The following BICC1 variants were observed in gnomAD, a reference collection of about 807,000 sequenced individuals.
BICC1 encodes the protein protein bicaudal C homolog 1.
Under a neutral mutation model 111.0 loss-of-function variants are expected in BICC1, and 43 were observed. The ratio of observed to expected loss-of-function variants is 0.39; its 90% CI spans 0.30 to 0.50. BICC1 has a LOEUF of 0.50. Ranked by LOEUF, BICC1 falls within the 20% of genes least tolerant of loss-of-function variation. BICC1 has a pLI of 0.88. For missense variants in BICC1, 1,091 were observed against 1,203.2 expected, an observed-to-expected ratio of 0.91 and a Z score of 1.38; for synonymous variants, 467 against 434.4, an observed-to-expected ratio of 1.07 and a Z score of -0.93.
At chr10:58,707,581 G>A (rs1345070853) in intron 3 of BICC1, among the ~76,000 whole-genome samples, 1 of 152,096 alleles carries the variant, frequency 6.6e-6, no homozygotes, top group Admixed American at 6.6e-5. Context: ...CCAAGCTGGA[G>A]TGAAGTAGTG....
intron 2 of BICC1, 46 bp from the exon 3 acceptor site, chr10:58,702,028 T>A (rs774392108): frequency 6.9e-7 from 1 of 1,444,124 alleles, no homozygotes; most frequent in Admixed American, 1.8e-5. Context: ...TATCTGTAAA[T>A]ACAAGTTTTT....
chr10:58,678,304 C>G (rs1448714420), intron 2 of BICC1, among the ~76,000 whole-genome samples: 2 of 152,090 alleles, frequency 1.3e-5, no homozygotes, highest in East Asian at 3.9e-4. Context: ...GGAGACCTGT[C>G]TCACGTGCAA....
intron 3 of BICC1, among the ~76,000 whole-genome samples, chr10:58,776,965 C>T (rs1385497124): frequency 6.6e-6 from 1 of 152,008 alleles, no homozygotes; most frequent in Non-Finnish European, 1.5e-5. Context: ...TTGGATTTTT[C>T]CCTGCCCTCC....
chr10:58,599,940 G>GTA (rs1026300404), intron 1 of BICC1, among the ~76,000 whole-genome samples: 71 of 151,902 alleles, frequency 4.7e-4, no homozygotes, highest in African/African-American at 1.6e-3. Flanking sequence ...GTGTGTGTGT[G>GTA]TGTGTGTGTG....
chr10:58,518,095 T>G lies in BICC1; in HGVS notation c.190+4762T>G, dbSNP rs563811081. 5.3e-5 allele frequency among the ~76,000 whole-genome samples: 8 copies of G among 152,336 alleles called. No individual in the cohort carries two copies. In the East Asian group the frequency reaches 1.5e-3, roughly 29 times the overall value. The stretch of plus-strand genomic sequence containing the variant: ...TCCATTAGACATGAGTGTGGAGTTC[T>G]AGATTTTGCTCAGGACGAGAGGGCT... On this transcript the variant is annotated intron_variant, in intron 1 of 20. Transcript: ENST00000373886.
At chr10:58,792,754 A>G (rs897474683) in intron 8 of BICC1, among the ~76,000 whole-genome samples, 4 of 152,350 alleles carry the variant, frequency 2.6e-5, no homozygotes, top group African/African-American at 9.6e-5. Context: ...GGTGAGTTGT[A>G]TAATTATTTA....
intron 2 of BICC1, among the ~76,000 whole-genome samples, chr10:58,640,205 T>G (rs1838081960): frequency 6.6e-6 from 1 of 152,244 alleles, no homozygotes; most frequent in Non-Finnish European, 1.5e-5. Context: ...CACTGTAGTT[T>G]TGTTCTGGAT....
chr10:58,807,719 G>A (rs1589159257), intron 17 of BICC1, among the ~76,000 whole-genome samples: 1 of 152,152 alleles, frequency 6.6e-6, no homozygotes, highest in East Asian at 1.9e-4. Flanking sequence ...CCATATGGAA[G>A]GGATGGAGAG....
chr10:58,688,427 T>A (rs1464283400), intron 2 of BICC1, among the ~76,000 whole-genome samples: 4 of 152,122 alleles, frequency 2.6e-5, no homozygotes, highest in Admixed American at 1.3e-4. Flanking sequence ...CAGCACTGAT[T>A]GGTGCGTTTA....
At chr10:58,689,412 A>G (rs56034775) in intron 2 of BICC1, among the ~76,000 whole-genome samples, 2 of 152,322 alleles carry the variant, frequency 1.3e-5, no homozygotes, top group African/African-American at 2.4e-5. Context: ...TTAGATAATC[A>G]GGTTGATTCC....
chr10:58,739,017 A>G (rs973917995), intron 3 of BICC1, among the ~76,000 whole-genome samples: 1 of 152,088 alleles, frequency 6.6e-6, no homozygotes, highest in African/African-American at 2.4e-5. Flanking sequence ...ATATATAATC[A>G]TGTCATCTGC....
intron 2 of BICC1, among the ~76,000 whole-genome samples, chr10:58,661,869 A>G (rs560889505): frequency 1.3e-5 from 2 of 152,346 alleles, no homozygotes; most frequent in East Asian, 1.9e-4. Context: ...GTTTTAAAAG[A>G]TGAAATCAAG....
chr10:58,744,356 A>T (rs1415725753), intron 3 of BICC1, among the ~76,000 whole-genome samples: 1 of 151,940 alleles, frequency 6.6e-6, no homozygotes, highest in Non-Finnish European at 1.5e-5. Context: ...TCCCCACTCA[A>T]TTTTTCTTCC....
At chr10:58,598,358 T>C (rs1053366853) in intron 1 of BICC1, among the ~76,000 whole-genome samples, 1 of 152,068 alleles carries the variant, frequency 6.6e-6, no homozygotes, top group Non-Finnish European at 1.5e-5. Flanking sequence ...ATACTGCACA[T>C]CTACAACCAT....
At position 58,793,559 on chromosome 10, in the gene BICC1, A is replaced by G. The variant is rs766021824; in HGVS notation, c.1123A>G (p.Met375Val). 10 of 1,613,946 alleles carry G rather than the reference A, an allele frequency of 6.2e-6. No homozygotes were observed. Among genetic ancestry groups the G allele is most frequent in the Non-Finnish European group, 7.6e-6 (9 of 1,179,918 alleles). Residue 375 changes from methionine to valine, a missense_variant, in exon 9 of 21, where the codon ATG (methionine) becomes GTG (valine). This residue lies in a region of BICC1 where 843 missense variants were observed against 900.8 expected (regional missense o/e 0.94). Coordinates refer to ENST00000373886, the MANE Select transcript of BICC1 (RefSeq NM_001080512.3). ...AGATCCACAATTCATTGCGCAGTTG[A>G]TGGAACAGCTTGATGTCTTCATCAG... The part of the protein sequence containing the change: ...EVDPQFIAQL[M>V]EQLDVFISIK...
chr10:58,550,201 T>C (rs1481558601), intron 1 of BICC1, among the ~76,000 whole-genome samples: 6 of 152,092 alleles, frequency 3.9e-5, no homozygotes, highest in Non-Finnish European at 7.4e-5. Context: ...TCAAATATTT[T>C]TGTAGAGACG....
chr10:58,743,466 A>T (rs1589090875), intron 3 of BICC1, among the ~76,000 whole-genome samples: 1 of 143,756 alleles, frequency 7.0e-6, no homozygotes. Context: ...ATTTGCTGGG[A>T]TTTTTTTTTT....
At chr10:58,651,396 A>G (rs952346974) in intron 2 of BICC1, among the ~76,000 whole-genome samples, 1 of 152,202 alleles carries the variant, frequency 6.6e-6, no homozygotes, top group Non-Finnish European at 1.5e-5. Context: ...TCTTCATACC[A>G]GCAGCATCTG....
rs376583493 is a variant in BICC1, at chr10:58,798,564, A to G, written c.1528+4A>G. 79 of 1,590,112 alleles carry G rather than the reference A, an allele frequency of 5.0e-5. No individual in the cohort carries two copies. Among genetic ancestry groups the G allele is most frequent in the Non-Finnish European group, 6.0e-5 (70 of 1,171,574 alleles). ...GCTAATACTTCAAGTGCCACAGGTC[A>G]GTATCATTTAAGTATATTCCAAGTT... On this transcript the variant is annotated splice_donor_region_variant and intron_variant, in intron 11 of 20. Coordinates refer to ENST00000373886, the MANE Select transcript of BICC1 (RefSeq NM_001080512.3).
Sources: gnomAD v4.1 joint callset for allele counts (sites outside exome capture counted in the v4.1 genomes callset) on GRCh38, gnomAD v4.1.1 for gene constraint, gnomAD v4.1.1 regional missense constraint, MANE v1.5 for transcripts, NCBI Gene and HGNC (gene_info 2026-07-23, HGNC 2026-07-21) for gene names.